Variants in TMEM17 observed in about 807,000 individuals in gnomAD.
TMEM17 encodes the protein transmembrane protein 17.
A neutral mutation model predicts 19.1 loss-of-function variants in TMEM17; 15 were observed. That is an observed-to-expected ratio of 0.78 (90% CI 0.52 to 1.21). The LOEUF (loss-of-function observed/expected upper bound fraction) is 1.21, where lower values mean the gene tolerates loss of function less well. Ranked by LOEUF, TMEM17 falls within the 50% of genes most tolerant of loss-of-function variation. The probability of loss-of-function intolerance (pLI) is 0.00; values close to 1 mark genes in which losing one functional copy is unlikely to be tolerated. For missense variants in TMEM17, 245 were observed against 242.3 expected (o/e 1.01, Z -0.07); for synonymous variants, 103 against 86.9 (o/e 1.19, Z -1.03).
the TMEM17 span, among the ~76,000 whole-genome samples, chr2:62,473,481 T>C: frequency 5.3e-5 from 8 of 152,040 alleles, no homozygotes; most frequent in Non-Finnish European, 7.4e-5. Flanking sequence ...CCTGGGAAAG[T>C]AGCCAAATCA....
the TMEM17 span, chr2:62,463,705 A>G: frequency 6.6e-6 from 1 of 152,098 alleles, no homozygotes; most frequent in African/African-American, 2.4e-5. Flanking sequence ...CGAAAACCCC[A>G]CCCTCAAGCT....
chr2:62,493,076 C>T, the TMEM17 span, among the ~76,000 whole-genome samples: 2 of 152,182 alleles, frequency 1.3e-5, no homozygotes, highest in Non-Finnish European at 2.9e-5. Context: ...CTTGCCCAGG[C>T]TGGAGTGCAG....
intron 1 of TMEM17, among the ~76,000 whole-genome samples, chr2:62,503,465 G>C (rs1679986516): frequency 6.6e-6 from 1 of 152,218 alleles, no homozygotes; most frequent in Non-Finnish European, 1.5e-5. Context: ...GGGCTTCAGA[G>C]TTCAAGCAAA....
At chr2:62,471,244 T>G in the TMEM17 span, among the ~76,000 whole-genome samples, 1 of 152,090 alleles carries the variant, frequency 6.6e-6, no homozygotes, top group Non-Finnish European at 1.5e-5. Context: ...TTAGAACCAA[T>G]TGGGGAAGTA....
downstream of TMEM17, among the ~76,000 whole-genome samples, chr2:62,498,296 A>AGGAT (rs1679822238): frequency 1.3e-5 from 2 of 152,122 alleles, 1 homozygote. Context: ...CTGAGGCAGG[A>AGGAT]GGATCACTTG....
chr2:62,502,933 C>A (rs978956518), intron 1 of TMEM17, 139 bp from the exon 2 acceptor site: 1 of 429,056 alleles, frequency 2.3e-6, no homozygotes, highest in Non-Finnish European at 4.2e-6. Flanking sequence ...TAATCATTGA[C>A]AGTAAAAGGA....
At chr2:62,486,596 G>A in the TMEM17 span, among the ~76,000 whole-genome samples, 3 of 152,152 alleles carry the variant, frequency 2.0e-5, no homozygotes, top group Non-Finnish European at 2.9e-5. Context: ...GTAGACTCTT[G>A]GCTAGCTCCA....
downstream of TMEM17, among the ~76,000 whole-genome samples, chr2:62,495,954 T>C (rs921185981): frequency 2.0e-5 from 3 of 152,246 alleles, no homozygotes; most frequent in East Asian, 5.8e-4. Context: ...CCAGTTTTTA[T>C]TGTGTCACAT....
chr2:62,479,751 G>A, the TMEM17 span, among the ~76,000 whole-genome samples: 1 of 152,046 alleles, frequency 6.6e-6, no homozygotes, highest in Non-Finnish European at 1.5e-5. Flanking sequence ...GCCATGTGTG[G>A]TGGCAAATGC....
At chr2:62,503,654 A>C (rs1679992081) in intron 1 of TMEM17, among the ~76,000 whole-genome samples, 1 of 152,256 alleles carries the variant, frequency 6.6e-6, no homozygotes. Flanking sequence ...TGGCACACTT[A>C]GTAGGCACTC....
chr2:62,478,832 T>C, the TMEM17 span, among the ~76,000 whole-genome samples: 5 of 152,254 alleles, frequency 3.3e-5, no homozygotes, highest in Non-Finnish European at 7.3e-5. Context: ...GCTCTAGTTC[T>C]ATCCTAATTT....
chr2:62,469,895 A>G, the TMEM17 span, among the ~76,000 whole-genome samples: 2 of 152,184 alleles, frequency 1.3e-5, no homozygotes, highest in African/African-American at 2.4e-5. Flanking sequence ...AGTTTGTCTC[A>G]GGTTGTCTGA....
the TMEM17 span, among the ~76,000 whole-genome samples, chr2:62,475,122 T>C: frequency 4.6e-5 from 7 of 152,224 alleles, no homozygotes; most frequent in African/African-American, 1.4e-4. Context: ...CAGGAGAAGC[T>C]CCAGGAGAAG....
At chr2:62,496,085 AT>A (rs66654346), downstream of TMEM17, among the ~76,000 whole-genome samples, 50,050 of 150,480 alleles carry the variant, frequency 0.33, 8,685 homozygotes, top group South Asian at 0.51. Context: ...CAGCTTTTAG[AT>A]TTTTTTTTTC....
the TMEM17 span, among the ~76,000 whole-genome samples, chr2:62,490,939 C>T: frequency 7.0e-4 from 107 of 151,828 alleles, 3 homozygotes; most frequent in South Asian, 0.021. Flanking sequence ...ATTAGCTGGG[C>T]GCAGTGGTGT....
chr2:62,498,958 A>G (rs1313825199), downstream of TMEM17, among the ~76,000 whole-genome samples: 1 of 152,152 alleles, frequency 6.6e-6, no homozygotes, highest in Non-Finnish European at 1.5e-5. Context: ...TGATTTTCAT[A>G]TACTTATATA....
At chr2:62,479,206 C>T in the TMEM17 span, among the ~76,000 whole-genome samples, 10 of 152,194 alleles carry the variant, frequency 6.6e-5, no homozygotes, top group East Asian at 1.7e-3. Context: ...CAAATCTCTG[C>T]TTATCACTGT....
At chr2:62,502,864 C>A in intron 1 of TMEM17, 70 bp from the exon 2 acceptor site, 4 of 862,218 alleles carry the variant, frequency 4.6e-6, no homozygotes, top group Non-Finnish European at 6.9e-6. Context: ...ATATCCTATT[C>A]CCTAGAATTA....
the TMEM17 span, among the ~76,000 whole-genome samples, chr2:62,471,098 G>A: frequency 1.3e-5 from 2 of 152,178 alleles, no homozygotes; most frequent in African/African-American, 2.4e-5. Context: ...CTTGGGCCCC[G>A]TGACCTGAGG....
Sources: gnomAD v4.1 joint callset for allele counts (sites outside exome capture counted in the v4.1 genomes callset) on GRCh38, gnomAD v4.1.1 for gene constraint, MANE v1.5 for transcripts, NCBI Gene and HGNC (gene_info 2026-07-23, HGNC 2026-07-21) for gene names.